Variants in SEMA5A observed in about 807,000 individuals in gnomAD.
SEMA5A encodes semaphorin-5A.
In SEMA5A, 55 loss-of-function variants were observed where a neutral mutation model predicts 135.5. The observed-to-expected ratio is 0.41, with a 90% CI of 0.33 to 0.51. SEMA5A has a LOEUF of 0.51. SEMA5A is among the 20% of genes least tolerant of loss of function. The pLI is 0.37. For missense variants in SEMA5A, 1,290 were observed against 1,419.9 expected, an observed-to-expected ratio of 0.91 and a Z score of 1.47; for synonymous variants, 580 against 546.5, an observed-to-expected ratio of 1.06 and a Z score of -0.85.
At chr5:9,335,972 C>A (rs1305829613) in intron 4 of SEMA5A, among the ~76,000 whole-genome samples, 1 of 151,696 alleles carries the variant, frequency 6.6e-6, no homozygotes, top group African/African-American at 2.4e-5. Context: ...AGAAATAATG[C>A]AATATTGTAC....
chr5:9,389,232 G>T (rs1051777046), intron 2 of SEMA5A, among the ~76,000 whole-genome samples: 1 of 152,034 alleles, frequency 6.6e-6, no homozygotes, highest in South Asian at 2.1e-4. Flanking sequence ...TCGAATGAAA[G>T]TACACTCCAA....
chr5:9,500,047 AT>A (rs1365762725), intron 1 of SEMA5A, among the ~76,000 whole-genome samples: 1 of 152,228 alleles, frequency 6.6e-6, no homozygotes, highest in East Asian at 1.9e-4. Flanking sequence ...TGTTACTCAT[AT>A]TTTAATATCT....
At chr5:9,330,419 TTTTTTG>T (rs955447885) in intron 4 of SEMA5A, among the ~76,000 whole-genome samples, 44 of 151,328 alleles carry the variant, frequency 2.9e-4, no homozygotes, top group Non-Finnish European at 4.4e-4. Flanking sequence ...CAGATTAGTT[TTTTTTG>T]TTTTTGTTTT....
chr5:9,080,539 T>TAAA (rs11409624), intron 16 of SEMA5A, among the ~76,000 whole-genome samples: 11 of 146,720 alleles, frequency 7.5e-5, no homozygotes, highest in Admixed American at 2.0e-4. Flanking sequence ...ACTCTTAAAT[T>TAAA]AAAAAAAAAA....
intron 18 of SEMA5A, among the ~76,000 whole-genome samples, chr5:9,062,017 C>T (rs569909601): frequency 6.6e-6 from 1 of 152,238 alleles, no homozygotes; most frequent in African/African-American, 2.4e-5. Context: ...CCAGAAGGAG[C>T]TGATGGTCAC....
In SEMA5A at chr5:9,194,041, A is replaced by G. The variant is rs544526546; in HGVS notation, c.1068+3127T>C. 2.0e-5 allele frequency among the ~76,000 whole-genome samples: 3 copies of G among 152,274 alleles called. No individual in the cohort carries two copies. In the South Asian group the frequency reaches 6.2e-4, roughly 32 times the overall value. On this transcript the variant is annotated intron_variant, in intron 10 of 22. Transcript: ENST00000382496. ...GGGTCTATTCGTCCATTTCAACTCC[A>G]TCCTTTCAGAGTGACAGTAATCAAA...
chr5:9,197,082 T>A (rs371194953), intron 10 of SEMA5A, 86 bp downstream of exon 10: 1 of 1,570,962 alleles, frequency 6.4e-7, no homozygotes, highest in Non-Finnish European at 8.7e-7. Flanking sequence ...GCACCCGCGG[T>A]TTAAATTACC....
intron 6 of SEMA5A, among the ~76,000 whole-genome samples, chr5:9,237,474 C>A (rs781129967): frequency 2.2e-4 from 33 of 152,068 alleles, no homozygotes; most frequent in Non-Finnish European, 4.6e-4. Flanking sequence ...TCATTACTTT[C>A]TAGATTTAGC....
chr5:9,440,437 A>G lies in SEMA5A; in HGVS notation c.-174-2585T>C, dbSNP rs571405601. Among the ~76,000 whole-genome samples, 5 of 152,274 alleles carry G rather than the reference A, an allele frequency of 3.3e-5. No individual in the cohort carries two copies. In the South Asian group the frequency reaches 1.0e-3, roughly 32 times the overall value. ...ATTTCTCTATTTGACTCAATTCCAT[A>G]TTATCCTTATTCTTTTCTCTTTTAG... On this transcript the variant is annotated intron_variant, in intron 1 of 22. Transcript: ENST00000382496.
chr5:9,063,513 G>T (rs555175329), intron 17 of SEMA5A, among the ~76,000 whole-genome samples: 1 of 152,294 alleles, frequency 6.6e-6, no homozygotes, highest in South Asian at 2.1e-4. Flanking sequence ...CCTCCATCTG[G>T]AGGAAGGGAA....
At chr5:9,436,998 G>A (rs528076525) in intron 2 of SEMA5A, among the ~76,000 whole-genome samples, 94 of 152,340 alleles carry the variant, frequency 6.2e-4, no homozygotes, top group Middle Eastern at 3.4e-3. Flanking sequence ...CAGGAAGGAG[G>A]AAATTGTGTG....
intron 1 of SEMA5A, among the ~76,000 whole-genome samples, chr5:9,504,004 C>G (rs1311711041): frequency 6.6e-6 from 1 of 151,926 alleles, no homozygotes; most frequent in Non-Finnish European, 1.5e-5. Flanking sequence ...ATCACAAGGT[C>G]AGGGATTTGA....
chr5:9,216,145 C>T (rs973748015), intron 8 of SEMA5A, among the ~76,000 whole-genome samples: 9 of 152,230 alleles, frequency 5.9e-5, no homozygotes, highest in African/African-American at 2.2e-4. Flanking sequence ...CCTCTTCACA[C>T]TCCCTTAGCT....
At chr5:9,353,352 G>A (rs1754287482) in intron 3 of SEMA5A, among the ~76,000 whole-genome samples, 1 of 135,656 alleles carries the variant, frequency 7.4e-6, no homozygotes, top group African/African-American at 2.8e-5. Context: ...GGAAAGGAAA[G>A]GGAAGGAAAG....
intron 16 of SEMA5A, 120 bp downstream of exon 16, chr5:9,108,020 A>G (rs1049029995): frequency 3.1e-5 from 39 of 1,269,988 alleles, no homozygotes; most frequent in Non-Finnish European, 4.0e-5. Flanking sequence ...CAGAGCCTCT[A>G]GTGTGTGCAG....
intron 3 of SEMA5A, among the ~76,000 whole-genome samples, chr5:9,374,929 C>T (rs764822714): frequency 3.3e-5 from 5 of 152,058 alleles, no homozygotes; most frequent in East Asian, 1.9e-4. Flanking sequence ...CCTACAGCAC[C>T]GGGGTCTCTG....
At chr5:9,458,575 C>T (rs567464048) in intron 1 of SEMA5A, among the ~76,000 whole-genome samples, 4 of 152,298 alleles carry the variant, frequency 2.6e-5, no homozygotes, top group South Asian at 2.1e-4. Context: ...GGTCAGATTG[C>T]CCAGCAAGCC....
At chr5:9,218,223 T>TA (rs1207374749) in intron 8 of SEMA5A, among the ~76,000 whole-genome samples, 4 of 152,172 alleles carry the variant, frequency 2.6e-5, no homozygotes, top group African/African-American at 7.2e-5. Flanking sequence ...AAATATTTTT[T>TA]AAAAAAAGAG....
At chr5:9,206,989 G>T (rs998763856) in intron 8 of SEMA5A, among the ~76,000 whole-genome samples, 1 of 146,968 alleles carries the variant, frequency 6.8e-6, no homozygotes. Context: ...GGCAAGTGTC[G>T]CACAAGGTGG....
Sources: allele counts gnomAD v4.1 joint callset (sites outside exome capture counted in the v4.1 genomes callset), GRCh38; gene constraint gnomAD v4.1.1; transcripts MANE v1.5; gene names NCBI Gene and HGNC (gene_info 2026-07-23, HGNC 2026-07-21).